The following CTNNA3 variants were observed in gnomAD, a reference collection of about 807,000 sequenced individuals.
CTNNA3 encodes the protein catenin alpha 3.
CTNNA3 carries 76 observed loss-of-function variants against 95.7 expected under a neutral mutation model. The ratio of observed to expected loss-of-function variants is 0.79; its 90% CI spans 0.66 to 0.96. The LOEUF (loss-of-function observed/expected upper bound fraction) is 0.96. Among genes scored for constraint, CTNNA3 ranks in the 40% least tolerant of loss-of-function variants. The pLI, the probability that CTNNA3 is intolerant of heterozygous loss-of-function variation, is 0.00. For missense variants in CTNNA3, 1,191 were observed against 1,089.8 expected (o/e 1.09, Z -1.31); for synonymous variants, 431 against 374.4 (o/e 1.15, Z -1.74).
At chr10:66,492,052 ATG>A (rs1415164913) in intron 11 of CTNNA3, among the ~76,000 whole-genome samples, 1 of 151,946 alleles carries the variant, frequency 6.6e-6, no homozygotes, top group African/African-American at 2.4e-5. Context: ...TAGTTGTTTC[ATG>A]TGTTTTAGCC....
chr10:67,749,253 C>T (rs188346179), intron 1 of CTNNA3, among the ~76,000 whole-genome samples: 19 of 152,220 alleles, frequency 1.2e-4, no homozygotes, highest in Admixed American at 1.1e-3. Context: ...CACAGATCAT[C>T]GAGACAGAAT....
chr10:66,267,290 T>C (rs2132119284), intron 13 of CTNNA3, among the ~76,000 whole-genome samples: 1 of 152,216 alleles, frequency 6.6e-6, no homozygotes, highest in African/African-American at 2.4e-5. Flanking sequence ...TTCACCTAAT[T>C]GTAGTTCTTT....
rs114734023 is a variant in CTNNA3 at position 66,450,808 on chromosome 10, A to C, written c.1531+69809T>G. ...CTTCTTTTTCAAGTAAATGTTGCTGAAATAGATTTGTAAAGATTTCTGATT... is the reference window on the plus strand; with the variant it reads ...CTTCTTTTTCAAGTAAATGTTGCTGCAATAGATTTGTAAAGATTTCTGATT... On this transcript the variant is annotated intron_variant, in intron 11 of 17. Coordinates refer to ENST00000433211, the MANE Select transcript of CTNNA3 (RefSeq NM_013266.4). Among the ~76,000 whole-genome samples the C allele has an allele frequency of 5.7e-3, 866 of 152,242 alleles. 6 individuals carry two copies. Among genetic ancestry groups the C allele is most frequent in the African/African-American group, 0.02 (813 of 41,560 alleles).
intron 7 of CTNNA3, among the ~76,000 whole-genome samples, chr10:67,101,900 T>A (rs1004848630): frequency 1.3e-5 from 2 of 151,776 alleles, no homozygotes; most frequent in African/African-American, 4.8e-5. Flanking sequence ...TGATGTGAAT[T>A]GTTGTTATTC....
At chr10:66,385,388 C>T (rs1382967472) in intron 11 of CTNNA3, among the ~76,000 whole-genome samples, 3 of 151,968 alleles carry the variant, frequency 2.0e-5, no homozygotes, top group African/African-American at 4.8e-5. Context: ...AAGACTAAAC[C>T]AGGAAGAAGT....
At chr10:65,923,586 C>T (rs2077122115) in intron 17 of CTNNA3, among the ~76,000 whole-genome samples, 1 of 152,162 alleles carries the variant, frequency 6.6e-6, no homozygotes, top group African/African-American at 2.4e-5. Context: ...TTGTTAAATC[C>T]AGGCAAAGTG....
intron 7 of CTNNA3, among the ~76,000 whole-genome samples, chr10:66,826,970 G>C (rs926599698): frequency 1.3e-5 from 2 of 152,116 alleles, no homozygotes; most frequent in South Asian, 2.1e-4. Context: ...TGGCTGTACT[G>C]TACCAAGTTA....
intron 1 of CTNNA3, among the ~76,000 whole-genome samples, chr10:67,726,239 ATAT>A (rs1358374304): frequency 1.1e-5 from 1 of 94,648 alleles, no homozygotes. Context: ...ATTATATATT[ATAT>A]ATTATATATA....
intron 10 of CTNNA3, among the ~76,000 whole-genome samples, chr10:66,534,544 T>C (rs1841586466): frequency 6.7e-6 from 1 of 149,310 alleles, no homozygotes; most frequent in Non-Finnish European, 1.5e-5. Context: ...AAATCATACA[T>C]TTATGTTTAT....
intron 17 of CTNNA3, among the ~76,000 whole-genome samples, chr10:65,952,191 T>C (rs1032531169): frequency 2.0e-5 from 3 of 152,302 alleles, no homozygotes; most frequent in South Asian, 4.1e-4. Flanking sequence ...CATTGTAATA[T>C]TAGTTTACCT....
At chr10:67,509,951 A>T (rs1839557758) in intron 5 of CTNNA3, among the ~76,000 whole-genome samples, 1 of 152,190 alleles carries the variant, frequency 6.6e-6, no homozygotes, top group South Asian at 2.1e-4. Flanking sequence ...AGTGATGATG[A>T]GCATTTTTTC....
At chr10:67,075,541 C>T (rs80004882) in intron 7 of CTNNA3, among the ~76,000 whole-genome samples, 1,696 of 152,318 alleles carry the variant, frequency 0.011, 34 homozygotes, top group African/African-American at 0.038. Context: ...AGACTACATA[C>T]TTGCAGTTCT....
chr10:67,077,625 C>A (rs1856806335), intron 7 of CTNNA3, among the ~76,000 whole-genome samples: 1 of 152,124 alleles, frequency 6.6e-6, no homozygotes, highest in South Asian at 2.1e-4. Flanking sequence ...GATGCAACTC[C>A]CTGAAAGACT....
intron 13 of CTNNA3, among the ~76,000 whole-genome samples, chr10:66,129,743 G>A (rs2082998685): frequency 6.6e-6 from 1 of 152,034 alleles, no homozygotes; most frequent in South Asian, 2.1e-4. Context: ...TGCTCCTGCA[G>A]AGTGGCCCCC....
chr10:67,321,803 T>A (rs1255360184), intron 5 of CTNNA3, among the ~76,000 whole-genome samples: 1 of 152,198 alleles, frequency 6.6e-6, no homozygotes, highest in African/African-American at 2.4e-5. Context: ...TGCAAACTTG[T>A]ATGCAAAATT....
chr10:66,508,211 T>TTTTTTTTTGTTTTTTTTTTTTTG lies in CTNNA3; in HGVS notation c.1531+12405_1531+12406insCAAAAAAAAAAAAACAAAAAAAA, dbSNP rs1840527657. On this transcript the variant is annotated intron_variant, in intron 11 of 17. Transcript: ENST00000433211. The stretch of plus-strand genomic sequence containing the variant: ...TTTTTTTGTTTTGTTTTGTTTTCTG[T>TTTTTTTTTGTTTTTTTTTTTTTG]TTTTTTTTTTTTTAACAATTTCGTT... 2.2e-5 allele frequency among the ~76,000 whole-genome samples: 2 copies of TTTTTTTTTGTTTTTTTTTTTTTG among 91,178 alleles called. 1 individual carries two copies. The highest frequency in any genetic ancestry group is 1.2e-4 in the African/African-American group (2 of 16,868). 59.8% of individuals were successfully genotyped at this position (91,178 alleles called of 152,430 possible).
chr10:67,026,719 A>G (rs908994394), intron 7 of CTNNA3, among the ~76,000 whole-genome samples: 11 of 152,296 alleles, frequency 7.2e-5, no homozygotes, highest in Admixed American at 3.9e-4. Context: ...AAAGTATATT[A>G]ACGTTCATTT....
chr10:66,903,112 G>T (rs1047492266), intron 7 of CTNNA3, among the ~76,000 whole-genome samples: 2 of 152,042 alleles, frequency 1.3e-5, no homozygotes, highest in East Asian at 3.9e-4. Context: ...GAAGAACACC[G>T]ATGCAAAAAT....
intron 10 of CTNNA3, among the ~76,000 whole-genome samples, chr10:66,620,994 T>C (rs183735930): frequency 1.8e-3 from 274 of 152,296 alleles, no homozygotes; most frequent in Non-Finnish European, 8.1e-4. Context: ...TCTCTATGTG[T>C]ATCTTGATTC....
Sources: gnomAD v4.1 joint callset for allele counts (sites outside exome capture counted in the v4.1 genomes callset) on GRCh38, gnomAD v4.1.1 for gene constraint, MANE v1.5 for transcripts, NCBI Gene and HGNC (gene_info 2026-07-23, HGNC 2026-07-21) for gene names.